FAS: variants seen among roughly 807,000 people sequenced by gnomAD.
FAS encodes the protein Fas cell surface death receptor.
In FAS, 5 loss-of-function variants were observed where a neutral mutation model predicts 33.2. The ratio of observed to expected loss-of-function variants is 0.15; its 90% CI spans 0.08 to 0.32. The LOEUF is 0.32. Among genes scored for constraint, FAS ranks in the 10% least tolerant of loss-of-function variants. FAS has a pLI of 1.00. For missense variants in FAS, 339 were observed against 386.0 expected, an observed-to-expected ratio of 0.88 and a Z score of 1.02; for synonymous variants, 131 against 130.7, an observed-to-expected ratio of 1.00 and a Z score of -0.01.
intron 2 of FAS, among the ~76,000 whole-genome samples, chr10:88,981,637 C>T (rs1247820595): frequency 2.6e-5 from 4 of 152,014 alleles, no homozygotes; most frequent in African/African-American, 9.7e-5. Context: ...GTGGGGTGGG[C>T]AGAGTGGGAG....
At chr10:88,988,986 T>A (rs1847010810), upstream of FAS, among the ~76,000 whole-genome samples, 1 of 152,140 alleles carries the variant, frequency 6.6e-6, no homozygotes, top group South Asian at 2.1e-4. Context: ...GGGCAGAGGG[T>A]AGGGGAAGGG....
chr10:89,004,609 A>T (rs892361873), intron 2 of FAS, among the ~76,000 whole-genome samples: 1 of 151,890 alleles, frequency 6.6e-6, no homozygotes, highest in East Asian at 1.9e-4. Context: ...AAAATATTGT[A>T]CACATGATAT....
chr10:88,979,172 T>C (rs1846647129), intron 2 of FAS, among the ~76,000 whole-genome samples: 1 of 152,088 alleles, frequency 6.6e-6, no homozygotes, highest in South Asian at 2.1e-4. Flanking sequence ...TCTACTAAGC[T>C]GGTTTTAATG....
intron 6 of FAS, 84 bp from the exon 7 acceptor site, chr10:89,011,915 T>G: frequency 8.2e-7 from 1 of 1,220,830 alleles, no homozygotes; most frequent in Non-Finnish European, 1.2e-6. Context: ...TTCCTTCTTA[T>G]ATTTCTCTTA....
Position 89,003,044 on chromosome 10 carries a change from G to A in FAS, c.46G>A (p.Ala16Thr), listed in dbSNP as rs3218619. The change falls in exon 2 of 9, where the codon GCT becomes ACT. Residue 16 changes from alanine to threonine, a missense_variant. Transcript: ENST00000652046. ...TATTTTACAGGTTCTTACGTCTGTT[G>A]CTAGATTATCGTCCAAAAGTGTTAA... The part of the protein sequence containing the change: ...TLLPLVLTSV[A>T]RLSSKSVNAQ... 7.1e-3 allele frequency: 11,522 copies of A among 1,614,004 alleles called. 664 individuals carry two copies. In the African/African-American group the frequency reaches 0.13, roughly 18 times the overall value.
chr10:88,972,368 A>C (rs1241945016), intron 1 of FAS, among the ~76,000 whole-genome samples: 1 of 152,226 alleles, frequency 6.6e-6, no homozygotes, highest in Non-Finnish European at 1.5e-5. Flanking sequence ...TTGATGTCAC[A>C]AAAGGAGTTT....
chr10:89,013,711 T>C (rs777615064), intron 8 of FAS, among the ~76,000 whole-genome samples: 4 of 152,252 alleles, frequency 2.6e-5, no homozygotes, highest in African/African-American at 4.8e-5. Context: ...CCCAACTCTA[T>C]AACAACATAC....
chr10:88,966,438 T>C (rs749554014), intron 1 of FAS, among the ~76,000 whole-genome samples: 13 of 152,184 alleles, frequency 8.5e-5, no homozygotes, highest in Non-Finnish European at 1.9e-4. Flanking sequence ...TTTTGTAATC[T>C]ATAAGTGTGT....
At chr10:88,970,873 AAGT>A (rs1451261665) in intron 1 of FAS, among the ~76,000 whole-genome samples, 2 of 142,076 alleles carry the variant, frequency 1.4e-5, no homozygotes, top group Non-Finnish European at 3.1e-5. Context: ...TATAATAAAA[AAGT>A]GTGTGTGTGT....
At chr10:88,990,582 G>A (rs9658677), upstream of FAS, 4,659 of 664,538 alleles carry the variant, frequency 7.0e-3, 49 homozygotes, top group South Asian at 0.022. This position sits in a 1 kb window ranked among gnomAD's most constrained non-coding sequence, Gnocchi z 4.9. Flanking sequence ...TCCCCAACCC[G>A]GGCGTTCCCC....
chr10:88,993,614 T>C (rs975186557), intron 1 of FAS, among the ~76,000 whole-genome samples: 3 of 152,232 alleles, frequency 2.0e-5, no homozygotes, highest in Admixed American at 6.5e-5. Context: ...AAAATAAAGC[T>C]GTGTATTTAC....
chr10:89,010,697 TTTAATC>T, intron 5 of FAS, 50 bp from the exon 6 acceptor site: 1 of 1,610,534 alleles, frequency 6.2e-7, no homozygotes. Context: ...AAGTCCTTTA[TTTAATC>T]TTAAAGATTG....
Position 89,010,552 on chromosome 10 carries a change from A to G in FAS, c.457A>G (p.Ile153Val), listed in dbSNP as rs1204388492. Residue 153 changes from isoleucine (I) to valine (V), a missense_variant, in exon 5 of 9, where the codon ATC becomes GTC. By Grantham distance (29) the Ile-to-Val change is conservative (BLOSUM62 3). Coordinates refer to ENST00000652046, the MANE Select transcript of FAS (RefSeq NM_000043.6). ...TTTTTTTTCTAGATGTGAACATGGA[A>G]TCATCAAGGAATGCACACTCACCAG... ...CDPCTKCEHG[I>V]IKECTLTSNT... is the part of the protein sequence containing the mutation. The G allele has an allele frequency of 1.2e-6, 2 of 1,613,788 alleles. No homozygotes were observed. The highest frequency in any genetic ancestry group is 8.5e-7 in the Non-Finnish European group (1 of 1,179,774).
rs192032778 is a variant in FAS at position 89,015,088 on chromosome 10, T to C, written c.*638T>C. The C allele has an allele frequency of 1.8e-3, 945 of 534,710 alleles. 7 individuals are homozygous for C. Among genetic ancestry groups the C allele is most frequent in the Middle Eastern group, 0.014 (28 of 1,934 alleles). The allele number at this position is 534,710 out of a possible 1,614,324, so 33.1% of individuals were successfully genotyped here. ...AATTCACATAGAAAACATTAAATTA[T>C]AATGTTTGACTATTATATATGTGTA... On this transcript the variant is annotated 3_prime_UTR_variant, in exon 9 of 9. Coordinates refer to ENST00000652046, the MANE Select transcript of FAS (RefSeq NM_000043.6).
rs1255612539 is a variant in FAS at position 89,013,257 on chromosome 10, T to C, written c.652-86T>C. ...CAACTGATTGTACTTCTTTCTGAAT[T>C]AAGGAAAAATTAGAAGTTCACATTT... On this transcript the variant is annotated intron_variant, in intron 7 of 8. Coordinates refer to ENST00000652046, the MANE Select transcript of FAS (RefSeq NM_000043.6). 3 of 1,335,560 alleles carry C rather than the reference T, an allele frequency of 2.2e-6. No individual in the cohort carries two copies. The East Asian group carries it at 7.1e-5, about 31-fold the overall frequency. The allele number at this position is 1,335,560 out of a possible 1,614,324, so 82.7% of individuals were successfully genotyped here.
chr10:88,978,345 C>T (rs985475424), intron 2 of FAS, among the ~76,000 whole-genome samples: 1 of 151,008 alleles, frequency 6.6e-6, no homozygotes, highest in Non-Finnish European at 1.5e-5. Flanking sequence ...CACATGTATA[C>T]ATATGTAACT....
At chr10:88,986,942 A>AT (rs1195194305), upstream of FAS, among the ~76,000 whole-genome samples, 1 of 152,238 alleles carries the variant, frequency 6.6e-6, no homozygotes, top group Non-Finnish European at 1.5e-5. Flanking sequence ...GGTGATTTGC[A>AT]TATGTCATTT....
rs1472107914 is a variant in FAS, at chr10:89,016,417, C to T, written c.*1967C>T. The T allele has an allele frequency of 4.5e-6, 1 of 220,374 alleles. No individual in the cohort carries two copies. Among genetic ancestry groups the T allele is most frequent in the Non-Finnish European group, 9.1e-6 (1 of 110,000 alleles). The allele number at this position is 220,374 out of a possible 1,614,324, so 13.7% of individuals were successfully genotyped here. A position where few individuals can be genotyped will look rare whatever the true frequency, so the allele number is the denominator to read the frequency against. On this transcript the variant is annotated 3_prime_UTR_variant, in exon 9 of 9. Coordinates refer to ENST00000652046, the MANE Select transcript of FAS (RefSeq NM_000043.6). ...AGACAGAAGTAGGGCAAGTTAGGTA[C>T]TAGTTATTCTTCATGGCCAGAAGTG...
intron 7 of FAS, 36 bp from the exon 8 acceptor site, chr10:89,013,307 A>G (rs776014343): frequency 2.7e-5 from 43 of 1,595,300 alleles, no homozygotes; most frequent in Non-Finnish European, 3.7e-5. Context: ...ATATATTTTT[A>G]TTTGTCTTTC....
Sources: allele counts gnomAD v4.1 joint callset (sites outside exome capture counted in the v4.1 genomes callset), GRCh38; gene constraint gnomAD v4.1.1; non-coding constraint Gnocchi (gnomAD v3.1); transcripts MANE v1.5; gene names NCBI Gene and HGNC (gene_info 2026-07-23, HGNC 2026-07-21).